NPHP1: variants seen among roughly 807,000 people sequenced by gnomAD.
The protein encoded by NPHP1 is nephrocystin-1.
A neutral mutation model predicts 90.4 loss-of-function variants in NPHP1; 70 were observed. The observed-to-expected ratio is 0.77, with a 90% CI of 0.64 to 0.95. The LOEUF is 0.95. Among genes scored for constraint, NPHP1 ranks in the 40% least tolerant of loss-of-function variants. The pLI is 0.00. For synonymous variants in NPHP1, 256 were observed against 271.7 expected (o/e 0.94, Z 0.57); for missense variants, 764 against 795.9 (o/e 0.96, Z 0.48).
intron 13 of NPHP1, 99 bp from the exon 14 acceptor site, chr2:110,146,934 T>A (rs1419145012): frequency 1.2e-6 from 1 of 829,792 alleles, no homozygotes; most frequent in Non-Finnish European, 2.1e-6. Flanking sequence ...AGTATTCACC[T>A]TTAGAACTAA....
chr2:110,152,763 C>T (rs1166287990), intron 11 of NPHP1, among the ~76,000 whole-genome samples: 1 of 151,896 alleles, frequency 6.6e-6, no homozygotes, highest in Non-Finnish European at 1.5e-5. Context: ...AGATCAAGAA[C>T]TCTAAACTCT....
At position 110,150,288 on chromosome 2, in the gene NPHP1, TA is replaced by T. The variant is rs1480102043; in HGVS notation, c.1084-33del. 9 of 1,596,588 alleles carry T rather than the reference TA, an allele frequency of 5.6e-6. No individual in the cohort carries two copies. In the Admixed American group the frequency reaches 1.5e-4, roughly 27 times the overall value. On this transcript the variant is annotated intron_variant, in intron 11 of 19. Coordinates refer to ENST00000445609, the MANE Select transcript of NPHP1 (RefSeq NM_001128178.3). The stretch of plus-strand genomic sequence containing the variant: ...TGAGATTTTCCCTTTTGAAATCATG[TA>T]AAAAGCTCTTTGAAATGTCACCATT...
In NPHP1 at chr2:110,164,554, C is replaced by T. The variant is rs140151060; in HGVS notation, c.771+134G>A. On this transcript the variant is annotated intron_variant, in intron 8 of 19. Transcript: ENST00000445609. ...AGGCTTAGAAACCAGAAATATACGT[C>T]CTCTGCTCTGTACATTCCATGCCCT... 136 of 1,586,238 alleles carry T rather than the reference C, an allele frequency of 8.6e-5. 1 individual carries two copies. In the African/African-American group the frequency reaches 1.7e-3, roughly 19 times the overall value.
Position 110,178,958 on chromosome 2 carries a change from T to C in NPHP1, c.205-411A>G, listed in dbSNP as rs151063879. 224 of 165,964 alleles carry C rather than the reference T, an allele frequency of 1.3e-3. 1 individual carries two copies. The Middle Eastern group carries it at 0.016, about 12-fold the overall frequency. 10.3% of individuals were successfully genotyped at this position (165,964 alleles called of 1,614,324 possible). A position where few individuals can be genotyped will look rare whatever the true frequency, so the allele number is the denominator to read the frequency against. On this transcript the variant is annotated intron_variant, in intron 3 of 19. Transcript: ENST00000445609. The stretch of plus-strand genomic sequence containing the variant: ...CACCTGTGAAACAGAAATAATTAGG[T>C]TTTCAAACAGTCTAAGTTGAAAAGT...
intron 6 of NPHP1, among the ~76,000 whole-genome samples, chr2:110,167,852 G>A (rs1425820521): frequency 6.6e-6 from 1 of 152,122 alleles, no homozygotes; most frequent in African/African-American, 2.4e-5. Flanking sequence ...GGTTGGTGTA[G>A]AAGAACTGAT....
At position 110,190,968 on chromosome 2, in the gene NPHP1, G is replaced by A. The variant is rs557901301; in HGVS notation, c.143+10453C>T. Among the ~76,000 whole-genome samples, 12 of 152,232 alleles carry A rather than the reference G, an allele frequency of 7.9e-5. No homozygotes were observed. In the South Asian group the frequency reaches 1.2e-3, roughly 16 times the overall value. The stretch of plus-strand genomic sequence containing the variant: ...AGTACCATCTCATGCCAGTCAGAAC[G>A]GTGATTATTAAAAAGTCAAAAAAAC... On this transcript the variant is annotated intron_variant, in intron 2 of 19. Transcript: ENST00000445609.
intron 2 of NPHP1, among the ~76,000 whole-genome samples, chr2:110,195,475 C>A (rs990489246): frequency 5.9e-5 from 9 of 152,076 alleles, no homozygotes; most frequent in African/African-American, 2.4e-5. Flanking sequence ...TCAAGGAGAA[C>A]TACAAACCAC....
chr2:110,148,553 A>C (rs1681238822), intron 12 of NPHP1, among the ~76,000 whole-genome samples: 1 of 152,202 alleles, frequency 6.6e-6, no homozygotes, highest in Non-Finnish European at 1.5e-5. Context: ...TTTTAAGAAA[A>C]ACAAAAAGCA....
At chr2:110,195,196 T>G (rs1456725616) in intron 2 of NPHP1, among the ~76,000 whole-genome samples, 3 of 152,030 alleles carry the variant, frequency 2.0e-5, no homozygotes, top group Non-Finnish European at 2.9e-5. Flanking sequence ...GGTATTCAAT[T>G]AGGAAAAGAG....
chr2:110,191,053 T>A (rs1004334284), intron 2 of NPHP1, among the ~76,000 whole-genome samples: 1 of 152,034 alleles, frequency 6.6e-6, no homozygotes, highest in Admixed American at 6.5e-5. Context: ...GATGGCCAAA[T>A]ACGAACAACT....
chr2:110,144,952 C>A (rs1406138032), intron 14 of NPHP1, among the ~76,000 whole-genome samples: 1 of 151,782 alleles, frequency 6.6e-6, no homozygotes, highest in Non-Finnish European at 1.5e-5. Context: ...CCACTATGAA[C>A]TTATATTATT....
At chr2:110,157,930 C>G (rs573147528) in intron 11 of NPHP1, among the ~76,000 whole-genome samples, 1 of 152,304 alleles carries the variant, frequency 6.6e-6, no homozygotes, top group South Asian at 2.1e-4. Context: ...CTAACATAAG[C>G]ATCTAGTGCT....
Position 110,171,979 on chromosome 2 carries a change from A to G in NPHP1, c.330-1981T>C, listed in dbSNP as rs564575627. On this transcript the variant is annotated intron_variant, in intron 4 of 19. Coordinates refer to ENST00000445609, the MANE Select transcript of NPHP1 (RefSeq NM_001128178.3). ...GGAATGATTTTTTAATATTGGCACT[A>G]TTTCTTTCTTAAATGTTTACAATAA... Among the ~76,000 whole-genome samples, 4 of 152,218 alleles carry G rather than the reference A, an allele frequency of 2.6e-5. No homozygotes were observed. The East Asian group carries it at 5.8e-4, about 22-fold the overall frequency.
At chr2:110,180,253 G>C (rs1461571076) in intron 2 of NPHP1, among the ~76,000 whole-genome samples, 1 of 152,022 alleles carries the variant, frequency 6.6e-6, no homozygotes, top group Admixed American at 6.6e-5. Flanking sequence ...CTCCTGCTTT[G>C]AGCTTGCTTG....
At chr2:110,164,521 T>C in intron 8 of NPHP1, 167 bp downstream of exon 8, 4 of 1,438,020 alleles carry the variant, frequency 2.8e-6, no homozygotes, top group African/African-American at 1.4e-5. Flanking sequence ...AAATGTTACT[T>C]GGAGCACAGG....
Position 110,123,637 on chromosome 2 carries a change from T to A in NPHP1, c.*154A>T, listed in dbSNP as rs1679133449. 4 of 689,542 alleles carry A rather than the reference T, an allele frequency of 5.8e-6. No individual in the cohort carries two copies. The South Asian group carries it at 7.6e-5, about 13-fold the overall frequency. The allele number at this position is 689,542 out of a possible 1,614,324, so 42.7% of individuals were successfully genotyped here. A position where few individuals can be genotyped will look rare whatever the true frequency, so the allele number is the denominator to read the frequency against. On this transcript the variant is annotated 3_prime_UTR_variant, in exon 20 of 20. Transcript: ENST00000445609. Reference sequence around the variant, plus strand: ...GTTTTAAAAAATATTTAAATTATTGTATAAACATTTCTTTAAAAATATGGT... The same window carrying A: ...GTTTTAAAAAATATTTAAATTATTGAATAAACATTTCTTTAAAAATATGGT...
rs145643062 is a variant in NPHP1, at chr2:110,133,572, G to A, written c.1530-1781C>T. Among the ~76,000 whole-genome samples, 273 of 152,156 alleles carry A rather than the reference G, an allele frequency of 1.8e-3. 2 individuals are homozygous for A. The highest frequency in any genetic ancestry group is 0.01 in the Middle Eastern group (3 of 294). ...CAAAACACTCTACCCGGCAACAGCA[G>A]AATACACATTTTTCTCAAGTGCACA... On this transcript the variant is annotated intron_variant, in intron 16 of 19. Coordinates refer to ENST00000445609, the MANE Select transcript of NPHP1 (RefSeq NM_001128178.3).
Position 110,177,287 on chromosome 2 carries a change from G to A in NPHP1, c.329+1136C>T, listed in dbSNP as rs187247157. 1.2e-4 allele frequency among the ~76,000 whole-genome samples: 19 copies of A among 152,168 alleles called. No individual in the cohort carries two copies. In the East Asian group the frequency reaches 2.3e-3, roughly 19 times the overall value. On this transcript the variant is annotated intron_variant, in intron 4 of 19. Transcript: ENST00000445609. ...TCTGCCATTCTCAGTACTAAGAATC[G>A]GTGGAAATTCTAGATCCTTGCATCT...
At chr2:110,131,873 A>G in intron 16 of NPHP1, 82 bp from the exon 17 acceptor site, 1 of 932,944 alleles carries the variant, frequency 1.1e-6, no homozygotes, top group Non-Finnish European at 1.7e-6. Context: ...TTACTTTAAT[A>G]AACAGTCCCA....
Sources: allele counts gnomAD v4.1 joint callset (sites outside exome capture counted in the v4.1 genomes callset), GRCh38; gene constraint gnomAD v4.1.1; transcripts MANE v1.5; gene names NCBI Gene and HGNC (gene_info 2026-07-23, HGNC 2026-07-21).